CREB5: variants seen among roughly 807,000 people sequenced by gnomAD.
CREB5 encodes cyclic AMP-responsive element-binding protein 5.
Under a neutral mutation model 57.1 loss-of-function variants are expected in CREB5, and 19 were observed. The observed-to-expected ratio is 0.33, with a 90% confidence interval of 0.23 to 0.49. The LOEUF is 0.49. CREB5 is among the 20% of genes least tolerant of loss of function. The probability of loss-of-function intolerance (pLI) is 0.99; values close to 1 mark genes in which losing one functional copy is unlikely to be tolerated. For synonymous variants in CREB5, 238 were observed against 238.3 expected (o/e 1.00, Z 0.01); for missense variants, 579 against 671.6 (o/e 0.86, Z 1.52).
At chr7:28,549,658 A>G (rs979896099) in intron 4 of CREB5, among the ~76,000 whole-genome samples, 2 of 151,976 alleles carry the variant, frequency 1.3e-5, no homozygotes, top group Non-Finnish European at 1.5e-5. Flanking sequence ...TGCTGGCCAA[A>G]ATGACCTGGT....
chr7:28,664,986 C>T (rs1231155367), intron 5 of CREB5, among the ~76,000 whole-genome samples: 1 of 152,120 alleles, frequency 6.6e-6, no homozygotes, highest in Non-Finnish European at 1.5e-5. Context: ...TCTTTCTGGT[C>T]ATCATAATTC....
intron 1 of CREB5, among the ~76,000 whole-genome samples, chr7:28,462,435 A>T (rs1304041830): frequency 6.6e-6 from 1 of 152,148 alleles, no homozygotes; most frequent in Admixed American, 6.5e-5. Context: ...TTGGGTATAC[A>T]CCCAGGAGTG....
chr7:28,598,022 A>G (rs1562519634), intron 5 of CREB5, among the ~76,000 whole-genome samples: 2 of 152,150 alleles, frequency 1.3e-5, no homozygotes, highest in African/African-American at 2.4e-5. Flanking sequence ...GTATTTATGA[A>G]CTTGGCACAT....
intron 5 of CREB5, among the ~76,000 whole-genome samples, chr7:28,606,204 A>G (rs573209640): frequency 2.6e-5 from 4 of 152,310 alleles, no homozygotes; most frequent in Non-Finnish European, 5.9e-5. Flanking sequence ...ATGAAATACC[A>G]CTGAAAAACA....
At chr7:28,496,974 C>T (rs1197111874) in intron 3 of CREB5, among the ~76,000 whole-genome samples, 1 of 152,198 alleles carries the variant, frequency 6.6e-6, no homozygotes. Flanking sequence ...TGTAGTATAA[C>T]TTAATGGTTC....
intron 1 of CREB5, among the ~76,000 whole-genome samples, chr7:28,402,930 TG>T (rs1412703391): frequency 1.3e-5 from 2 of 152,228 alleles, no homozygotes; most frequent in Non-Finnish European, 2.9e-5. Context: ...AGTTGTCTCT[TG>T]TTAAACAACA....
At chr7:28,364,613 T>C (rs1441255718) in intron 1 of CREB5, among the ~76,000 whole-genome samples, 1 of 152,176 alleles carries the variant, frequency 6.6e-6, no homozygotes, top group African/African-American at 2.4e-5. Flanking sequence ...CCATTATGCA[T>C]GCTGGCACTC....
At chr7:28,440,982 G>A (rs1789163895) in intron 1 of CREB5, among the ~76,000 whole-genome samples, 1 of 152,150 alleles carries the variant, frequency 6.6e-6, no homozygotes, top group Non-Finnish European at 1.5e-5. Context: ...AATCCCAAAT[G>A]TATTTTATCA....
intron 1 of CREB5, among the ~76,000 whole-genome samples, chr7:28,340,654 C>T (rs374949556): frequency 6.6e-6 from 1 of 152,138 alleles, no homozygotes; most frequent in Admixed American, 6.5e-5. Flanking sequence ...CTCACTAAGT[C>T]GTGTGTCCCC....
At chr7:28,805,464 C>T (rs963272438) in intron 8 of CREB5, among the ~76,000 whole-genome samples, 1 of 152,094 alleles carries the variant, frequency 6.6e-6, no homozygotes, top group Non-Finnish European at 1.5e-5. Context: ...AGAAGGGTGT[C>T]GGAAGCATGG....
At chr7:28,525,744 AGTGTGTGTGTAT>A (rs1169615339) in intron 4 of CREB5, among the ~76,000 whole-genome samples, 1 of 151,952 alleles carries the variant, frequency 6.6e-6, no homozygotes, top group Non-Finnish European at 1.5e-5. Flanking sequence ...CTAATCCAGT[AGTGTGTGTGTAT>A]GTGTGTGTGT....
intron 5 of CREB5, among the ~76,000 whole-genome samples, chr7:28,658,975 A>ATGTGTGTG (rs1159628776): frequency 7.3e-6 from 1 of 137,710 alleles, no homozygotes; most frequent in African/African-American, 2.7e-5. Flanking sequence ...ATATATATAT[A>ATGTGTGTG]TATATGTATA....
In CREB5 at chr7:28,551,868, CT is replaced by C. The variant is rs1370194720; in HGVS notation, c.292-18492del. Among the ~76,000 whole-genome samples the C allele has an allele frequency of 2.5e-3, 352 of 142,558 alleles. 7 individuals carry two copies. The East Asian group carries it at 0.058, about 23-fold the overall frequency. 93.5% of individuals were successfully genotyped at this position (142,558 alleles called of 152,430 possible). On this transcript the variant is annotated intron_variant, in intron 4 of 10. Coordinates refer to ENST00000357727, the MANE Select transcript of CREB5 (RefSeq NM_182898.4). Reference sequence around the variant, plus strand: ...TTTTCTTTCTTTCTTTTCTTTCTTTCTTTTTCTTTCTTTCTTTTCTTTCTTT... The same window carrying C: ...TTTTCTTTCTTTCTTTTCTTTCTTTCTTTTCTTTCTTTCTTTTCTTTCTTT...
chr7:28,484,123 C>G (rs1791460901), intron 1 of CREB5, among the ~76,000 whole-genome samples: 1 of 152,124 alleles, frequency 6.6e-6, no homozygotes, highest in Non-Finnish European at 1.5e-5. Flanking sequence ...AAAATCCAAG[C>G]CAGTAAAACA....
chr7:28,527,213 A>G (rs1288763942), intron 4 of CREB5, among the ~76,000 whole-genome samples: 1 of 152,194 alleles, frequency 6.6e-6, no homozygotes, highest in African/African-American at 2.4e-5. Context: ...TTCCTAAGCA[A>G]AAGCTGAAAG....
intron 1 of CREB5, among the ~76,000 whole-genome samples, chr7:28,479,736 C>T (rs1015747362): frequency 2.0e-5 from 3 of 152,168 alleles, no homozygotes; most frequent in African/African-American, 2.4e-5. Flanking sequence ...AAAAAGCACC[C>T]AGTATGATAC....
chr7:28,544,899 C>A (rs1002233954), intron 4 of CREB5, among the ~76,000 whole-genome samples: 1 of 152,208 alleles, frequency 6.6e-6, no homozygotes, highest in Admixed American at 6.5e-5. Context: ...AAATATAAAT[C>A]TGGGAACAGC....
chr7:28,774,703 C>A (rs986782919), intron 7 of CREB5, among the ~76,000 whole-genome samples: 3 of 152,184 alleles, frequency 2.0e-5, no homozygotes, highest in Admixed American at 6.5e-5. Context: ...CAAAACACAG[C>A]CCCCACTGCT....
upstream of CREB5, chr7:28,409,840 G>T (rs761021153): frequency 4.9e-5 from 22 of 453,116 alleles, no homozygotes; most frequent in South Asian, 3.3e-4. The surrounding 1 kb of genome is among the most constrained non-coding windows in gnomAD (Gnocchi z 4.4). Flanking sequence ...GTGGGAGCGC[G>T]CGAGTCCCCT....
Sources: gnomAD v4.1 joint callset for allele counts (sites outside exome capture counted in the v4.1 genomes callset) on GRCh38, gnomAD v4.1.1 for gene constraint, Gnocchi (gnomAD v3.1) non-coding constraint, MANE v1.5 for transcripts, NCBI Gene and HGNC (gene_info 2026-07-23, HGNC 2026-07-21) for gene names.